The following MARCHF1 variants were observed in gnomAD, a reference collection of about 807,000 sequenced individuals.
MARCHF1 encodes E3 ubiquitin-protein ligase MARCHF1.
Under a neutral mutation model 54.2 loss-of-function variants are expected in MARCHF1, and 40 were observed. The observed-to-expected ratio is 0.74, with a 90% CI of 0.57 to 0.96. MARCHF1 has a LOEUF of 0.96. Ranked by LOEUF, MARCHF1 falls within the 40% of genes least tolerant of loss-of-function variation. The probability of loss-of-function intolerance (pLI) is 0.00; values close to 1 mark genes in which losing one functional copy is unlikely to be tolerated. For missense variants in MARCHF1, 586 were observed against 656.5 expected (o/e 0.89, Z 1.17); for synonymous variants, 236 against 236.3 (o/e 1.00, Z 0.01).
intron 2 of MARCHF1, among the ~76,000 whole-genome samples, chr4:164,076,172 C>CA (rs398064217): frequency 2.1e-5 from 3 of 142,216 alleles, no homozygotes; most frequent in African/African-American, 7.7e-5. Flanking sequence ...ACAACAACAA[C>CA]AAGTAGCCCA....
intron 2 of MARCHF1, among the ~76,000 whole-genome samples, chr4:164,082,212 C>A (rs967152074): frequency 3.9e-5 from 6 of 152,166 alleles, no homozygotes; most frequent in Admixed American, 3.3e-4. Flanking sequence ...AGCCTGTCTT[C>A]TTATTTCACC....
At chr4:163,977,439 A>C (rs1381779580) in intron 3 of MARCHF1, among the ~76,000 whole-genome samples, 1 of 152,166 alleles carries the variant, frequency 6.6e-6, no homozygotes, top group East Asian at 1.9e-4. Flanking sequence ...CCATCACCTA[A>C]GTGTTAACCA....
At chr4:164,152,922 A>G (rs2110914012) in intron 1 of MARCHF1, among the ~76,000 whole-genome samples, 1 of 152,120 alleles carries the variant, frequency 6.6e-6, no homozygotes, top group Non-Finnish European at 1.5e-5. Flanking sequence ...GCCTTCCCAA[A>G]CCAAACCAAT....
At chr4:163,552,066 TA>T (rs1246685345) in intron 8 of MARCHF1, among the ~76,000 whole-genome samples, 1 of 152,148 alleles carries the variant, frequency 6.6e-6, no homozygotes, top group Non-Finnish European at 1.5e-5. Flanking sequence ...ATCATTTCCT[TA>T]AAAAAACATT....
chr4:164,160,829 A>T (rs1560933472), intron 1 of MARCHF1, among the ~76,000 whole-genome samples: 1 of 152,224 alleles, frequency 6.6e-6, no homozygotes, highest in Non-Finnish European at 1.5e-5. Context: ...TAAAGATCAG[A>T]AAGTGTGTAA....
At chr4:163,999,525 T>A (rs1419482792) in intron 2 of MARCHF1, among the ~76,000 whole-genome samples, 1 of 151,442 alleles carries the variant, frequency 6.6e-6, no homozygotes, top group African/African-American at 2.4e-5. Flanking sequence ...TGATTAAATA[T>A]AAAGATGCTT....
intron 4 of MARCHF1, 26 bp downstream of exon 4, chr4:163,853,995 T>C: frequency 6.5e-7 from 1 of 1,534,296 alleles, no homozygotes; most frequent in Non-Finnish European, 8.7e-7. Flanking sequence ...ATAAGCCAAT[T>C]TGAGGTAAAG....
chr4:163,990,067 A>G (rs1363805313), intron 2 of MARCHF1, among the ~76,000 whole-genome samples: 1 of 152,236 alleles, frequency 6.6e-6, no homozygotes, highest in African/African-American at 2.4e-5. Flanking sequence ...ATAAAATGTG[A>G]AAAAAGATCT....
At chr4:164,217,940 A>G (rs1731979606) in intron 1 of MARCHF1, among the ~76,000 whole-genome samples, 1 of 152,250 alleles carries the variant, frequency 6.6e-6, no homozygotes, top group East Asian at 1.9e-4. Flanking sequence ...AACAATTTCA[A>G]AAAAAGATGG....
chr4:163,829,439 C>T (rs927455122), intron 4 of MARCHF1, among the ~76,000 whole-genome samples: 2 of 152,180 alleles, frequency 1.3e-5, no homozygotes, highest in African/African-American at 4.8e-5. Context: ...CTATCACTAG[C>T]ATATTTATGA....
chr4:164,351,825 G>A (rs1426235257), intron 1 of MARCHF1, among the ~76,000 whole-genome samples: 8 of 151,982 alleles, frequency 5.3e-5, no homozygotes, highest in East Asian at 1.9e-4. Context: ...GCTACGGGAG[G>A]ACATTCAAAC....
rs79069715 is a variant in MARCHF1, at chr4:164,052,609, G to A, written c.-248+58979C>T. Among the ~76,000 whole-genome samples the A allele has an allele frequency of 1.2e-3, 190 of 152,178 alleles. 1 individual carries two copies. The highest frequency in any genetic ancestry group is 4.0e-3 in the African/African-American group (165 of 41,536). Reference sequence around the variant, plus strand: ...CGCTATAAAACTAAGGATTTTCTAAGCTCAAGGCTACTTACTTGGCTCTGA... The same window carrying A: ...CGCTATAAAACTAAGGATTTTCTAAACTCAAGGCTACTTACTTGGCTCTGA... On this transcript the variant is annotated intron_variant, in intron 2 of 9. Transcript: ENST00000514618.
At chr4:163,845,287 G>C (rs1179503132) in intron 4 of MARCHF1, among the ~76,000 whole-genome samples, 1 of 152,054 alleles carries the variant, frequency 6.6e-6, no homozygotes, top group African/African-American at 2.4e-5. Context: ...TTTATTTCCA[G>C]TTACAATTTT....
At chr4:163,826,098 A>G (rs1748840709) in intron 4 of MARCHF1, among the ~76,000 whole-genome samples, 1 of 152,078 alleles carries the variant, frequency 6.6e-6, no homozygotes, top group South Asian at 2.1e-4. Flanking sequence ...CTCACTGATA[A>G]ATAACATTGT....
At chr4:163,589,070 G>GAAAA (rs34118569) in intron 7 of MARCHF1, among the ~76,000 whole-genome samples, 159 of 128,044 alleles carry the variant, frequency 1.2e-3, no homozygotes, top group African/African-American at 4.2e-3. Flanking sequence ...TGTCTTATTT[G>GAAAA]AAAAAAAAAA....
rs147191074 is a variant in MARCHF1, at chr4:164,233,831, T to A, written c.-322-122169A>T. On this transcript the variant is annotated intron_variant, in intron 1 of 9. Transcript: ENST00000514618. ...AAATATTTTGGCAAAATTTAAAGGA[T>A]ATACCAATACCACCATCACTACCAA... Among the ~76,000 whole-genome samples the A allele has an allele frequency of 9.3e-4, 142 of 152,250 alleles. 1 individual carries two copies. In the East Asian group the frequency reaches 0.026, roughly 28 times the overall value.
chr4:163,545,249 A>G (rs1465243754), intron 9 of MARCHF1, among the ~76,000 whole-genome samples: 1 of 152,236 alleles, frequency 6.6e-6, no homozygotes, highest in Non-Finnish European at 1.5e-5. Context: ...AAATAAAATG[A>G]GAAACCTTCA....
intron 4 of MARCHF1, among the ~76,000 whole-genome samples, chr4:163,721,981 T>C (rs191284269): frequency 2.0e-5 from 3 of 152,164 alleles, no homozygotes; most frequent in East Asian, 3.9e-4. Context: ...AAAAAACCAG[T>C]TCCTGGATTC....
rs186469265 is a variant in MARCHF1 at position 164,023,196 on chromosome 4, T to A, written c.-247-34487A>T. On this transcript the variant is annotated intron_variant, in intron 2 of 9. Coordinates refer to ENST00000514618, the MANE Select transcript of MARCHF1 (RefSeq NM_001394959.1). The stretch of plus-strand genomic sequence containing the variant: ...GCCAGTAATGAAAAGGTATGTTCTG[T>A]CTCCTTGCTGAGATCTCTGCTCTGG... Among the ~76,000 whole-genome samples the A allele has an allele frequency of 1.5e-3, 224 of 152,250 alleles. 5 individuals carry two copies. The highest frequency in any genetic ancestry group is 5.8e-4 in the East Asian group (3 of 5,168).
Sources: gnomAD v4.1 joint callset for allele counts (sites outside exome capture counted in the v4.1 genomes callset) on GRCh38, gnomAD v4.1.1 for gene constraint, MANE v1.5 for transcripts, NCBI Gene and HGNC (gene_info 2026-07-23, HGNC 2026-07-21) for gene names.